Variants in PDPR observed in about 807,000 individuals in gnomAD.
PDPR encodes the protein pyruvate dehydrogenase phosphatase regulatory subunit, also known as pyruvate dehydrogenase phosphatase regulatory subunit, mitochondrial.
PDPR carries 50 observed loss-of-function variants against 102.2 expected under a neutral mutation model. That is an observed-to-expected ratio of 0.49 (90% CI 0.39 to 0.62). The LOEUF is 0.62. Ranked by LOEUF, PDPR falls within the 20% of genes least tolerant of loss-of-function variation. The probability of loss-of-function intolerance (pLI) is 0.00; values close to 1 mark genes in which losing one functional copy is unlikely to be tolerated. For synonymous variants in PDPR, 259 were observed against 406.0 expected (o/e 0.64, Z 4.35); for missense variants, 625 against 1,098.2 (o/e 0.57, Z 6.09).
Position 70,120,404 on chromosome 16 carries a change from C to T in PDPR, c.-32-57C>T. ...ATCGTTCTTTGTCAAATCCCTTTCT[C>T]ATTAATCCCATGCACTGAGTAGAAT... On this transcript the variant is annotated intron_variant, in intron 2 of 18. Coordinates refer to ENST00000288050, the MANE Select transcript of PDPR (RefSeq NM_017990.5). The T allele has an allele frequency of 5.8e-6, 5 of 869,494 alleles. No individual in the cohort carries two copies. The East Asian group carries it at 1.3e-4, about 23-fold the overall frequency. 53.9% of individuals were successfully genotyped at this position (869,494 alleles called of 1,614,324 possible). A position where few individuals can be genotyped will look rare whatever the true frequency, so the allele number is the denominator to read the frequency against.
intron 9 of PDPR, among the ~76,000 whole-genome samples, chr16:70,133,208 C>CGGTTCAAG (rs1964725993): frequency 6.6e-6 from 1 of 150,406 alleles, no homozygotes; most frequent in Non-Finnish European, 1.5e-5. Context: ...TCTGCCTCCC[C>CGGTTCAAG]GGTTCAAGTG....
chr16:70,162,711 T>C (rs1452572754), downstream of PDPR, among the ~76,000 whole-genome samples: 1 of 152,268 alleles, frequency 6.6e-6, no homozygotes, highest in Non-Finnish European at 1.5e-5. Context: ...CCTGCAGCGC[T>C]GGAGTGGCTG....
intron 3 of PDPR, among the ~76,000 whole-genome samples, chr16:70,124,346 G>T (rs1384192269): frequency 2.0e-5 from 3 of 152,270 alleles, no homozygotes; most frequent in African/African-American, 7.2e-5. Flanking sequence ...CTGGGCAACA[G>T]AGTGAGACTG....
At chr16:70,121,414 G>A (rs543942824) in intron 3 of PDPR, among the ~76,000 whole-genome samples, 351 of 151,554 alleles carry the variant, frequency 2.3e-3, no homozygotes, top group Middle Eastern at 0.01. Context: ...AATATTGGCC[G>A]GGCATGGTGG....
At chr16:70,135,342 T>G (rs1322845086) in intron 9 of PDPR, among the ~76,000 whole-genome samples, 1 of 152,126 alleles carries the variant, frequency 6.6e-6, no homozygotes, top group Non-Finnish European at 1.5e-5. Context: ...ATTCAAGCGA[T>G]TTTTCTGCCT....
rs1373765836 is a variant in PDPR at position 70,156,795 on chromosome 16, G to C, written c.2556G>C (p.Lys852Asn). Residue 852 changes from lysine (K) to asparagine (N), a missense_variant, in exon 19 of 19, where the codon AAG (lysine) becomes AAC (asparagine). By Grantham distance (94) the Lys-to-Asn change is moderately conservative (BLOSUM62 0). Around this residue, in one of 11 missense-constraint regions of PDPR, gnomAD observed 303 missense variants for 258.9 expected, o/e 1.17. Transcript: ENST00000288050. ...IDIAGYRFQA[K>N]AKLYPVASLF... ...TCGCGGGATACCGCTTCCAGGCCAAGGCCAAGCTCTACCCTGTCGCCTCCC... is the reference window on the plus strand; with the variant it reads ...TCGCGGGATACCGCTTCCAGGCCAACGCCAAGCTCTACCCTGTCGCCTCCC... The C allele has an allele frequency of 5.2e-5, 84 of 1,613,932 alleles. No homozygotes were observed. The highest frequency in any genetic ancestry group is 6.8e-5 in the Non-Finnish European group (80 of 1,179,882).
In PDPR at chr16:70,120,724, G is replaced by T. The variant is rs767140989; in HGVS notation, c.227+5G>T. 17 of 1,581,956 alleles carry T rather than the reference G, an allele frequency of 1.1e-5. No homozygotes were observed. Among genetic ancestry groups the T allele is most frequent in the Non-Finnish European group, 1.5e-5 (17 of 1,150,746 alleles). ...TGTCCTTTTGGAGCAGGGCAGGTAAGGATCAGACTGCATTTGGCTCATGGC... is the reference window on the plus strand; with the variant it reads ...TGTCCTTTTGGAGCAGGGCAGGTAATGATCAGACTGCATTTGGCTCATGGC... On this transcript the variant is annotated splice_donor_5th_base_variant and intron_variant, in intron 3 of 18. Transcript: ENST00000288050.
chr16:70,115,984 G>C (rs1189932291), intron 2 of PDPR, among the ~76,000 whole-genome samples: 1 of 151,452 alleles, frequency 6.6e-6, no homozygotes, highest in South Asian at 2.1e-4. Flanking sequence ...CTTTTCCTTC[G>C]TTGTCTTAAG....
intron 2 of PDPR, among the ~76,000 whole-genome samples, chr16:70,119,849 A>G (rs1963033524): frequency 3.3e-5 from 5 of 150,384 alleles, no homozygotes; most frequent in African/African-American, 7.5e-5. Context: ...ATTCTTGTTC[A>G]CTGCTAGCAG....
chr16:70,142,599 G>A lies in PDPR; in HGVS notation c.1518G>A (p.Trp506Ter), dbSNP rs1380477160. 1.2e-6 allele frequency: 2 copies of A among 1,614,082 alleles called. No homozygotes were observed. The highest frequency in any genetic ancestry group is 8.5e-7 in the Non-Finnish European group (1 of 1,179,910). Residue 506 changes from tryptophan to a stop codon, truncating the protein, a stop_gained, in exon 13 of 19, where the codon TGG becomes TGA. Coordinates refer to ENST00000288050, the MANE Select transcript of PDPR (RefSeq NM_017990.5). LOFTEE classifies it high-confidence loss of function. ...EQSKTFYKPD[W>*]FDIVESEVKC... The stretch of plus-strand genomic sequence containing the variant: ...GCAAGACTTTCTATAAGCCAGATTG[G>A]TTTGACATCGTGGAGTCTGAAGTCA...
At chr16:70,155,384 C>G (rs866120164) in intron 18 of PDPR, among the ~76,000 whole-genome samples, 1 of 152,308 alleles carries the variant, frequency 6.6e-6, no homozygotes, top group East Asian at 1.9e-4. Flanking sequence ...TGGCTTCAAG[C>G]GATTCTCCTG....
intron 3 of PDPR, 23 bp downstream of exon 3, chr16:70,120,742 C>G: frequency 6.7e-7 from 1 of 1,484,580 alleles, no homozygotes. Flanking sequence ...CTGCATTTGG[C>G]TCATGGCTGT....
At chr16:70,150,091 CTTTT>C (rs59657802) in intron 17 of PDPR, among the ~76,000 whole-genome samples, 33 of 136,340 alleles carry the variant, frequency 2.4e-4, no homozygotes, top group African/African-American at 4.4e-4. Context: ...ACCCGGCCGG[CTTTT>C]TTTTTTTTTT....
intron 2 of PDPR, among the ~76,000 whole-genome samples, chr16:70,117,765 A>G (rs1396587237): frequency 3.3e-5 from 5 of 152,150 alleles, no homozygotes; most frequent in African/African-American, 7.2e-5. Context: ...TGCACTTGAT[A>G]TGAAAAGAGT....
intron 17 of PDPR, among the ~76,000 whole-genome samples, chr16:70,150,717 G>A (rs1245295686): frequency 1.3e-5 from 2 of 152,170 alleles, no homozygotes; most frequent in Admixed American, 1.3e-4. Context: ...TTGCTATGTT[G>A]CCTAGGCTGG....
At position 70,153,446 on chromosome 16, in the gene PDPR, G is replaced by A. The variant is rs1312740489; in HGVS notation, c.2108G>A (p.Arg703Gln). 30 of 1,613,764 alleles carry A rather than the reference G, an allele frequency of 1.9e-5. No individual in the cohort carries two copies. The highest frequency in any genetic ancestry group is 5.0e-5 in the Admixed American group (3 of 59,970). Residue 703 changes from arginine to glutamine, a missense_variant, in exon 18 of 19, where the codon CGG (arginine) becomes CAG (glutamine). Physicochemically the swap from Arg to Gln is conservative, Grantham distance 43. Transcript: ENST00000288050. ...AGTGTTGGCCAGAAATACGGAATCC[G>A]GAATGCTGGGTATTACGCTCTTCGC... The part of the protein sequence containing the change: ...VMSVGQKYGI[R>Q]NAGYYALRSL...
chr16:70,157,304 T>G lies in PDPR; in HGVS notation c.*425T>G. Reference sequence around the variant, plus strand: ...CCATTTTCTTGGAGCAGCCTATTAGTTCTGGTGGGGTTGCCGTGTGTCGGA... The same window carrying G: ...CCATTTTCTTGGAGCAGCCTATTAGGTCTGGTGGGGTTGCCGTGTGTCGGA... On this transcript the variant is annotated 3_prime_UTR_variant, in exon 19 of 19. Coordinates refer to ENST00000288050, the MANE Select transcript of PDPR (RefSeq NM_017990.5). 1 of 424,534 alleles carries G rather than the reference T, an allele frequency of 2.4e-6. No homozygotes were observed. The highest frequency in any genetic ancestry group is 6.9e-5 in the East Asian group (1 of 14,544). 26.3% of individuals were successfully genotyped at this position (424,534 alleles called of 1,614,324 possible).
intron 11 of PDPR, among the ~76,000 whole-genome samples, chr16:70,139,236 T>A (rs377315912): frequency 5.0e-3 from 758 of 152,024 alleles, no homozygotes; most frequent in Admixed American, 9.8e-3. Context: ...CTTGTTTCAT[T>A]CTGAGAACAA....
Position 70,142,220 on chromosome 16 carries a change from C to A in PDPR, c.1316-14C>A. On this transcript the variant is annotated splice_polypyrimidine_tract_variant and intron_variant, in intron 11 of 18. Transcript: ENST00000288050. ...GTGTCTTGGGCTTTGATAGACTACT[C>A]GTGTCTTTTCTAGCTTTGATGTATG... The A allele has an allele frequency of 6.2e-7, 1 of 1,613,132 alleles. No homozygotes were observed. Among genetic ancestry groups the A allele is most frequent in the Non-Finnish European group, 8.5e-7 (1 of 1,179,526 alleles).
Sources: allele counts gnomAD v4.1 joint callset (sites outside exome capture counted in the v4.1 genomes callset), GRCh38; gene constraint gnomAD v4.1.1; regional missense constraint gnomAD v4.1.1; transcripts MANE v1.5; gene names NCBI Gene and HGNC (gene_info 2026-07-23, HGNC 2026-07-21).